SLC27A2: variants seen among roughly 807,000 people sequenced by gnomAD.
The protein encoded by SLC27A2 is long-chain fatty acid transport protein 2.
A neutral mutation model predicts 60.0 loss-of-function variants in SLC27A2; 54 were observed. The observed-to-expected ratio is 0.90, with a 90% CI of 0.72 to 1.13. The LOEUF (loss-of-function observed/expected upper bound fraction) is 1.13. Ranked by LOEUF, SLC27A2 falls within the 50% of genes most tolerant of loss-of-function variation. SLC27A2 has a pLI of 0.00. For missense variants in SLC27A2, 739 were observed against 777.6 expected (o/e 0.95, Z 0.59); for synonymous variants, 297 against 297.6 (o/e 1.00, Z 0.02).
chr15:50,209,312 A>G (rs577923307), intron 4 of SLC27A2, among the ~76,000 whole-genome samples: 15 of 152,254 alleles, frequency 9.9e-5, no homozygotes, highest in African/African-American at 3.6e-4. Flanking sequence ...GTTGCAGCAC[A>G]GAGTGGAGAG....
chr15:50,210,035 G>T (rs1162008598), intron 4 of SLC27A2, among the ~76,000 whole-genome samples: 2 of 152,182 alleles, frequency 1.3e-5, no homozygotes, highest in Non-Finnish European at 1.5e-5. Flanking sequence ...CTGAGAAATT[G>T]CAGGCTTTGA....
At chr15:50,221,541 T>C (rs2045242210) in intron 4 of SLC27A2, among the ~76,000 whole-genome samples, 1 of 152,254 alleles carries the variant, frequency 6.6e-6, no homozygotes, top group South Asian at 2.1e-4. Context: ...TGCCTTGGTG[T>C]GGTTTTTAAT....
chr15:50,227,447 CTT>C (rs1243548266), intron 7 of SLC27A2, among the ~76,000 whole-genome samples: 4 of 152,216 alleles, frequency 2.6e-5, no homozygotes, highest in African/African-American at 9.6e-5. Context: ...TTTAACTCCT[CTT>C]GTTTCTCCTG....
At chr15:50,203,335 T>C (rs2140902656) in intron 3 of SLC27A2, among the ~76,000 whole-genome samples, 1 of 151,468 alleles carries the variant, frequency 6.6e-6, no homozygotes, top group East Asian at 2.0e-4. Context: ...TTCCACAGCT[T>C]TTCAGCTCTA....
intron 1 of SLC27A2, among the ~76,000 whole-genome samples, chr15:50,192,567 C>T (rs753143246): frequency 6.6e-6 from 1 of 151,108 alleles, no homozygotes; most frequent in Non-Finnish European, 1.5e-5. Context: ...TTTTTTGAGA[C>T]AGGGTCCCAC....
chr15:50,198,386 G>A (rs780773526), intron 2 of SLC27A2: 1 of 151,874 alleles, frequency 6.6e-6, no homozygotes, highest in Non-Finnish European at 1.5e-5. Context: ...AACATTTGTT[G>A]ATAAGATTCT....
At chr15:50,207,221 CCACATATACACATGCA>C (rs1567431890) in intron 4 of SLC27A2, among the ~76,000 whole-genome samples, 1 of 152,100 alleles carries the variant, frequency 6.6e-6, no homozygotes, top group African/African-American at 2.4e-5. Context: ...CCACACATAT[CCACATATACACATGCA>C]CACATACACA....
At chr15:50,206,144 G>A (rs748757883) in intron 4 of SLC27A2, among the ~76,000 whole-genome samples, 3 of 152,138 alleles carry the variant, frequency 2.0e-5, no homozygotes, top group East Asian at 1.9e-4. Context: ...ATTCTTTGCC[G>A]CGCGGACTTA....
chr15:50,192,260 C>T (rs558806270), intron 1 of SLC27A2, among the ~76,000 whole-genome samples: 121 of 152,168 alleles, frequency 8.0e-4, no homozygotes, highest in Non-Finnish European at 1.5e-3. Flanking sequence ...GTTGGCAAGC[C>T]GCTGGAAACT....
chr15:50,188,569 T>C (rs1241093672), intron 1 of SLC27A2, among the ~76,000 whole-genome samples: 3 of 152,244 alleles, frequency 2.0e-5, no homozygotes, highest in Non-Finnish European at 4.4e-5. Context: ...TTAAATGAGT[T>C]GTTTCAATGC....
intron 1 of SLC27A2, among the ~76,000 whole-genome samples, chr15:50,190,654 C>G (rs2044965727): frequency 6.7e-6 from 1 of 148,450 alleles, no homozygotes; most frequent in Non-Finnish European, 1.5e-5. Context: ...ACTTAATATG[C>G]TACCTTAATT....
intron 2 of SLC27A2, among the ~76,000 whole-genome samples, chr15:50,200,456 C>G (rs1033158753): frequency 6.6e-6 from 1 of 150,524 alleles, no homozygotes; most frequent in African/African-American, 2.4e-5. Flanking sequence ...TAAAACAAAA[C>G]AAAAAACTGG....
intron 4 of SLC27A2, among the ~76,000 whole-genome samples, chr15:50,213,046 G>A (rs1334715057): frequency 6.6e-6 from 1 of 152,166 alleles, no homozygotes; most frequent in Non-Finnish European, 1.5e-5. Flanking sequence ...ACCAACTGCT[G>A]CCTTCAGGAG....
At chr15:50,211,671 T>C (rs1489210621) in intron 4 of SLC27A2, among the ~76,000 whole-genome samples, 3 of 152,130 alleles carry the variant, frequency 2.0e-5, no homozygotes, top group Non-Finnish European at 4.4e-5. Context: ...GGTTAGTTAT[T>C]AAGCTAATCA....
chr15:50,221,368 C>T (rs974799811), intron 4 of SLC27A2, among the ~76,000 whole-genome samples: 19 of 152,168 alleles, frequency 1.2e-4, no homozygotes, highest in Middle Eastern at 3.4e-3. Flanking sequence ...AGAATGACTG[C>T]TCAAGGGGCC....
Position 50,182,649 on chromosome 15 carries a change from C to A in SLC27A2, c.222C>A (p.Phe74Leu). ...CGCCACACAAGCCTTTTCTGCTCTTCCGCGACGAGACTCTCACCTACGCGC... is the reference window on the plus strand; with the variant it reads ...CGCCACACAAGCCTTTTCTGCTCTTACGCGACGAGACTCTCACCTACGCGC... ...RQTPHKPFLLFRDETLTYAQV... is the reference protein window; with the variant it reads ...RQTPHKPFLLLRDETLTYAQV... The change falls in exon 1 of 10, where the codon TTC becomes TTA. Residue 74 changes from phenylalanine (F) to leucine (L), a missense_variant. Coordinates refer to ENST00000267842, the MANE Select transcript of SLC27A2 (RefSeq NM_003645.4). The A allele has an allele frequency of 1.9e-6, 3 of 1,614,018 alleles. No individual in the cohort carries two copies. The highest frequency in any genetic ancestry group is 8.5e-7 in the Non-Finnish European group (1 of 1,179,926).
chr15:50,230,997 A>T (rs992298585), intron 8 of SLC27A2, among the ~76,000 whole-genome samples: 2 of 152,206 alleles, frequency 1.3e-5, no homozygotes, highest in African/African-American at 4.8e-5. Flanking sequence ...GGGTGGGGCC[A>T]GGAAACTGTG....
intron 4 of SLC27A2, among the ~76,000 whole-genome samples, chr15:50,220,081 A>G (rs1266387770): frequency 2.0e-5 from 3 of 152,192 alleles, no homozygotes; most frequent in Non-Finnish European, 4.4e-5. Flanking sequence ...TGTGCCCACA[A>G]ACATTTCCAG....
intron 5 of SLC27A2, among the ~76,000 whole-genome samples, chr15:50,224,662 C>A (rs555479542): frequency 1.3e-5 from 2 of 152,164 alleles, no homozygotes; most frequent in African/African-American, 4.8e-5. Context: ...TCTAGACCTG[C>A]GCTGTCCAAA....
Sources: allele counts gnomAD v4.1 joint callset (sites outside exome capture counted in the v4.1 genomes callset), GRCh38; gene constraint gnomAD v4.1.1; transcripts MANE v1.5; gene names NCBI Gene and HGNC (gene_info 2026-07-23, HGNC 2026-07-21).